The following TCF4 variants were observed in gnomAD, a reference collection of about 807,000 sequenced individuals.
The protein encoded by TCF4 is SL3-3 enhancer factor 2.
TCF4 carries 3 observed loss-of-function variants against 82.1 expected under a neutral mutation model. The ratio of observed to expected loss-of-function variants is 0.04; its 90% CI spans 0.02 to 0.09. The LOEUF (loss-of-function observed/expected upper bound fraction) is 0.09. TCF4 is among the 10% of genes least tolerant of loss of function. The pLI, the probability that TCF4 is intolerant of heterozygous loss-of-function variation, is 1.00. For synonymous variants in TCF4, 276 were observed against 309.6 expected, an observed-to-expected ratio of 0.89 and a Z score of 1.14; for missense variants, 518 against 852.7, an observed-to-expected ratio of 0.61 and a Z score of 4.89.
chr18:55,609,324 G>A (rs528392291), intron 2 of TCF4, among the ~76,000 whole-genome samples: 1 of 152,244 alleles, frequency 6.6e-6, no homozygotes, highest in East Asian at 1.9e-4. Context: ...CTCATACGGG[G>A]GGCAGGTTTT....
At chr18:55,261,069 C>CTTTTTTTTTT (rs78112276) in intron 12 of TCF4, 1 of 91,896 alleles carries the variant, frequency 1.1e-5, no homozygotes, top group African/African-American at 4.0e-5. Context: ...CAGTTATTGT[C>CTTTTTTTTTT]TTTTTTTTTT....
At chr18:55,460,967 T>C (rs540283222) in intron 5 of TCF4, 52 bp downstream of exon 5, 21 of 1,484,504 alleles carry the variant, frequency 1.4e-5, no homozygotes, top group South Asian at 9.2e-5. Context: ...TTACCTTCTA[T>C]AGTAAAACTT....
chr18:55,578,155 C>T (rs969360216), intron 3 of TCF4, among the ~76,000 whole-genome samples: 2 of 152,112 alleles, frequency 1.3e-5, no homozygotes, highest in Non-Finnish European at 2.9e-5. Flanking sequence ...TTGTCAACTG[C>T]CTTGGCCAAA....
At chr18:55,344,815 TTTTG>T (rs2080818645) in intron 8 of TCF4, among the ~76,000 whole-genome samples, 1 of 152,056 alleles carries the variant, frequency 6.6e-6, no homozygotes, top group Admixed American at 6.6e-5. Context: ...ACTGGTGGTG[TTTTG>T]TTTGAGTGTT....
intron 8 of TCF4, among the ~76,000 whole-genome samples, chr18:55,285,850 C>A (rs1266166551): frequency 6.6e-6 from 1 of 152,192 alleles, no homozygotes; most frequent in Non-Finnish European, 1.5e-5. Context: ...TTCTAGGTAT[C>A]CCTGCTACCT....
intron 3 of TCF4, among the ~76,000 whole-genome samples, chr18:55,562,476 G>T (rs1483584692): frequency 6.6e-6 from 1 of 152,114 alleles, no homozygotes; most frequent in Non-Finnish European, 1.5e-5. Context: ...AAAATATACA[G>T]CAAAGAAGGC....
intron 3 of TCF4, among the ~76,000 whole-genome samples, chr18:55,533,333 C>T (rs1402842199): frequency 3.3e-5 from 5 of 152,140 alleles, no homozygotes; most frequent in African/African-American, 1.2e-4. Flanking sequence ...TGTACCCTCA[C>T]ATGTTTAGAA....
chr18:55,622,740 C>T (rs1422588186), intron 2 of TCF4, among the ~76,000 whole-genome samples: 1 of 152,144 alleles, frequency 6.6e-6, no homozygotes, highest in Non-Finnish European at 1.5e-5. Context: ...TTCCACACAA[C>T]AATGTTACCT....
chr18:55,361,423 A>G (rs2085162641), intron 6 of TCF4, among the ~76,000 whole-genome samples: 1 of 152,186 alleles, frequency 6.6e-6, no homozygotes. Context: ...CCTGCAGCCT[A>G]CCTATAGTCA....
chr18:55,613,335 A>G (rs529563282), intron 2 of TCF4, among the ~76,000 whole-genome samples: 1 of 151,740 alleles, frequency 6.6e-6, no homozygotes, highest in East Asian at 1.9e-4. Context: ...AATAGTTGGG[A>G]TTTTTTTTGG....
At chr18:55,560,093 C>A (rs1035975901) in intron 3 of TCF4, among the ~76,000 whole-genome samples, 1 of 152,136 alleles carries the variant, frequency 6.6e-6, no homozygotes, top group African/African-American at 2.4e-5. Context: ...CTTATCTTCA[C>A]CATTGCTGTT....
chr18:55,538,362 T>C (rs1223187134), intron 3 of TCF4, among the ~76,000 whole-genome samples: 1 of 152,170 alleles, frequency 6.6e-6, no homozygotes, highest in Non-Finnish European at 1.5e-5. Flanking sequence ...TTGGGGACAT[T>C]TTTCCTATGC....
chr18:55,631,380 A>G (rs905508318), exon 2 of TCF4: 2 of 1,548,190 alleles, frequency 1.3e-6, no homozygotes, highest in East Asian at 4.9e-5. Context: ...GGTGTTTACA[A>G]AACATTTGCT....
intron 5 of TCF4, among the ~76,000 whole-genome samples, chr18:55,417,242 G>A (rs1430231539): frequency 1.3e-5 from 2 of 152,040 alleles, no homozygotes; most frequent in East Asian, 1.9e-4. Context: ...CTCATCCCGC[G>A]ACTGTGGACA....
chr18:55,570,876 T>C (rs1261178571), intron 3 of TCF4, among the ~76,000 whole-genome samples: 1 of 138,966 alleles, frequency 7.2e-6, no homozygotes, highest in Admixed American at 7.7e-5. Flanking sequence ...GAGTGAGATG[T>C]GAGACCCTGC....
At chr18:55,612,809 G>C (rs533282093) in intron 2 of TCF4, among the ~76,000 whole-genome samples, 1 of 151,986 alleles carries the variant, frequency 6.6e-6, no homozygotes, top group African/African-American at 2.4e-5. Flanking sequence ...TTACTTGGGC[G>C]TGGTGGTGCG....
rs762052438 is a variant in TCF4 at position 55,403,621 on chromosome 18, G to T, written c.305-103C>A. The T allele has an allele frequency of 4.6e-5, 74 of 1,609,738 alleles. 1 individual carries two copies. In the Admixed American group the frequency reaches 4.9e-4, roughly 11 times the overall value. On this transcript the variant is annotated intron_variant, in intron 5 of 19. Transcript: ENST00000354452. ...CTGCTCTTCCCCGATGTTTACATACGTAAAGTAGGCACTACTGGCAATGTA... is the reference window on the plus strand; with the variant it reads ...CTGCTCTTCCCCGATGTTTACATACTTAAAGTAGGCACTACTGGCAATGTA...
At chr18:55,493,224 A>T (rs2096594387) in intron 3 of TCF4, among the ~76,000 whole-genome samples, 1 of 152,084 alleles carries the variant, frequency 6.6e-6, no homozygotes, top group Non-Finnish European at 1.5e-5. Flanking sequence ...ACCATTACCA[A>T]CTTGAAAGGC....
At chr18:55,487,892 T>TAA (rs879529817) in intron 3 of TCF4, among the ~76,000 whole-genome samples, 13 of 145,702 alleles carry the variant, frequency 8.9e-5, no homozygotes, top group Non-Finnish European at 1.7e-4. Context: ...TCCATTTTCT[T>TAA]AAAAAAAAAA....
Sources: allele counts gnomAD v4.1 joint callset (sites outside exome capture counted in the v4.1 genomes callset), GRCh38; gene constraint gnomAD v4.1.1; transcripts MANE v1.5; gene names NCBI Gene and HGNC (gene_info 2026-07-23, HGNC 2026-07-21).